Variants in LRRC4C observed in about 807,000 individuals in gnomAD.
The protein encoded by LRRC4C is leucine-rich repeat-containing protein 4C.
A neutral mutation model predicts 33.6 loss-of-function variants in LRRC4C; 5 were observed. That is an observed-to-expected ratio of 0.15 (90% CI 0.08 to 0.31). The LOEUF is 0.31. Among genes scored for constraint, LRRC4C ranks in the 10% least tolerant of loss-of-function variants. The pLI is 1.00. For synonymous variants in LRRC4C, 329 were observed against 302.0 expected (o/e 1.09, Z -0.93); for missense variants, 560 against 796.7 (o/e 0.70, Z 3.58).
At chr11:40,675,365 C>T (rs981586537) in intron 2 of LRRC4C, among the ~76,000 whole-genome samples, 12 of 152,068 alleles carry the variant, frequency 7.9e-5, no homozygotes, top group South Asian at 2.1e-4. Context: ...ATTTTATGAT[C>T]GTTAAGACTC....
intron 5 of LRRC4C, among the ~76,000 whole-genome samples, chr11:40,233,513 G>C (rs1261110126): frequency 2.6e-5 from 4 of 152,112 alleles, no homozygotes; most frequent in Non-Finnish European, 5.9e-5. Context: ...AGAGATCCTA[G>C]ACGCAGAGAG....
intron 5 of LRRC4C, among the ~76,000 whole-genome samples, chr11:40,144,698 T>C (rs1467758164): frequency 3.3e-5 from 5 of 152,184 alleles, no homozygotes; most frequent in Admixed American, 2.6e-4. Context: ...CATTTTGCAG[T>C]TAAGAAAGTT....
intron 3 of LRRC4C, among the ~76,000 whole-genome samples, chr11:40,507,552 G>C (rs190646422): frequency 6.6e-6 from 1 of 151,912 alleles, no homozygotes; most frequent in East Asian, 1.9e-4. Flanking sequence ...TTTTGAAAAA[G>C]GTATGGTAAC....
chr11:40,915,816 C>G (rs1248824013), intron 2 of LRRC4C, among the ~76,000 whole-genome samples: 1 of 150,442 alleles, frequency 6.6e-6, no homozygotes, highest in African/African-American at 2.4e-5. Context: ...GGGCTAATAT[C>G]CAGAATCTAC....
At chr11:40,324,817 G>T (rs1487078881) in intron 3 of LRRC4C, among the ~76,000 whole-genome samples, 1 of 152,216 alleles carries the variant, frequency 6.6e-6, no homozygotes, top group African/African-American at 2.4e-5. Context: ...CTTAACTGAA[G>T]AGCGTAAGCT....
At chr11:41,129,009 A>G (rs1354906954) in intron 1 of LRRC4C, among the ~76,000 whole-genome samples, 1 of 152,010 alleles carries the variant, frequency 6.6e-6, no homozygotes, top group African/African-American at 2.4e-5. Flanking sequence ...ATAAAAATGA[A>G]TTCAATTAAA....
chr11:41,164,392 T>C (rs1285121009), intron 1 of LRRC4C, among the ~76,000 whole-genome samples: 2 of 152,140 alleles, frequency 1.3e-5, no homozygotes, highest in African/African-American at 4.8e-5. Flanking sequence ...CAGTACCTCC[T>C]GAGGAACCTG....
intron 5 of LRRC4C, among the ~76,000 whole-genome samples, chr11:40,162,854 CT>C (rs953834414): frequency 6.6e-6 from 1 of 152,188 alleles, no homozygotes; most frequent in African/African-American, 2.4e-5. Context: ...TTAACTTGTA[CT>C]TCTAAGCACC....
At chr11:41,281,815 T>C (rs904407995) in intron 1 of LRRC4C, among the ~76,000 whole-genome samples, 2 of 152,232 alleles carry the variant, frequency 1.3e-5, no homozygotes, top group African/African-American at 4.8e-5. Context: ...TTGTGGAGTT[T>C]AGTGGAGGTT....
At chr11:40,204,952 C>A (rs1863037427) in intron 5 of LRRC4C, among the ~76,000 whole-genome samples, 3 of 152,222 alleles carry the variant, frequency 2.0e-5, no homozygotes, top group Admixed American at 1.3e-4. Context: ...TGACCTTAGA[C>A]AATTCTTCCC....
chr11:40,715,497 T>C (rs950738399), intron 2 of LRRC4C, among the ~76,000 whole-genome samples: 3 of 152,170 alleles, frequency 2.0e-5, no homozygotes, highest in African/African-American at 4.8e-5. Flanking sequence ...TCTAGAAATA[T>C]TGAATGTGTA....
intron 3 of LRRC4C, among the ~76,000 whole-genome samples, chr11:40,580,242 C>T (rs1958409945): frequency 6.6e-6 from 1 of 152,080 alleles, no homozygotes; most frequent in South Asian, 2.1e-4. Flanking sequence ...AGGAAACTTA[C>T]AATCATGGTG....
chr11:40,667,383 A>T (rs971762377), intron 2 of LRRC4C, among the ~76,000 whole-genome samples: 3 of 152,194 alleles, frequency 2.0e-5, no homozygotes, highest in African/African-American at 4.8e-5. Flanking sequence ...TCCTTCAATT[A>T]GCTTTAGAAT....
intron 3 of LRRC4C, among the ~76,000 whole-genome samples, chr11:40,508,570 C>G (rs905763690): frequency 7.9e-5 from 12 of 152,022 alleles, no homozygotes; most frequent in South Asian, 2.1e-4. Flanking sequence ...TCATCTTTAT[C>G]CAAAAGGGAT....
intron 2 of LRRC4C, among the ~76,000 whole-genome samples, chr11:40,812,150 T>C (rs1951517792): frequency 6.6e-6 from 1 of 152,192 alleles, no homozygotes; most frequent in South Asian, 2.1e-4. Flanking sequence ...TTAAATTCAG[T>C]AAATGTCAAA....
At chr11:40,254,421 G>T (rs779344008) in intron 4 of LRRC4C, among the ~76,000 whole-genome samples, 7 of 152,146 alleles carry the variant, frequency 4.6e-5, no homozygotes, top group East Asian at 3.9e-4. Flanking sequence ...GCCACGTGCT[G>T]CTCACTTGTA....
At chr11:40,422,564 A>G (rs1400412074) in intron 3 of LRRC4C, among the ~76,000 whole-genome samples, 1 of 152,178 alleles carries the variant, frequency 6.6e-6, no homozygotes. Flanking sequence ...CTTTGCTAGT[A>G]ATTTCAACTT....
chr11:40,911,235 T>C (rs983420885), intron 2 of LRRC4C, among the ~76,000 whole-genome samples: 3 of 152,134 alleles, frequency 2.0e-5, no homozygotes, highest in Non-Finnish European at 4.4e-5. Flanking sequence ...TCTGAGAATG[T>C]ACAGACTGCG....
intron 2 of LRRC4C, among the ~76,000 whole-genome samples, chr11:40,844,452 G>A (rs1359708655): frequency 6.6e-6 from 1 of 152,118 alleles, no homozygotes; most frequent in African/African-American, 2.4e-5. Flanking sequence ...GACAGAAAAT[G>A]AAATGGGCCC....
Sources: gnomAD v4.1 joint callset for allele counts (sites outside exome capture counted in the v4.1 genomes callset) on GRCh38, gnomAD v4.1.1 for gene constraint, MANE v1.5 for transcripts, NCBI Gene and HGNC (gene_info 2026-07-23, HGNC 2026-07-21) for gene names.